The following PSPC1 variants were observed in gnomAD, a reference collection of about 807,000 sequenced individuals.
PSPC1 encodes the protein paraspeckle protein 1.
A neutral mutation model predicts 51.6 loss-of-function variants in PSPC1; 14 were observed. The ratio of observed to expected loss-of-function variants is 0.27; its 90% CI spans 0.18 to 0.42. PSPC1 has a LOEUF of 0.42. Among genes scored for constraint, PSPC1 ranks in the 10% least tolerant of loss-of-function variants. The probability of loss-of-function intolerance (pLI) is 1.00; values close to 1 mark genes in which losing one functional copy is unlikely to be tolerated. For synonymous variants in PSPC1, 193 were observed against 231.9 expected (o/e 0.83, Z 1.53); for missense variants, 406 against 701.1 (o/e 0.58, Z 4.75).
chr13:19,769,840 T>C (rs1481738813), intron 2 of PSPC1, among the ~76,000 whole-genome samples: 2 of 152,166 alleles, frequency 1.3e-5, no homozygotes, highest in African/African-American at 2.4e-5. Context: ...TCATTGCTGG[T>C]AGGAATGTAA....
chr13:19,734,952 T>C (rs1884590260), intron 5 of PSPC1, among the ~76,000 whole-genome samples: 1 of 150,318 alleles, frequency 6.7e-6, no homozygotes, highest in South Asian at 2.1e-4. Flanking sequence ...CATTACAGCC[T>C]GAGCGACAGA....
At chr13:19,776,992 G>C (rs1348735243) in intron 1 of PSPC1, among the ~76,000 whole-genome samples, 1 of 148,972 alleles carries the variant, frequency 6.7e-6, no homozygotes. Flanking sequence ...CTGGGCTGGT[G>C]TCATGCCTGT....
chr13:19,721,862 C>T (rs3847990), intron 6 of PSPC1, among the ~76,000 whole-genome samples: 17,276 of 152,206 alleles, frequency 0.11, 1,256 homozygotes, highest in African/African-American at 0.2. Flanking sequence ...CTCTTCATTA[C>T]TTAATCACGT....
At chr13:19,763,341 A>G (rs930561000) in intron 2 of PSPC1, among the ~76,000 whole-genome samples, 5 of 152,140 alleles carry the variant, frequency 3.3e-5, no homozygotes, top group African/African-American at 9.7e-5. Flanking sequence ...TTTTGCAAAT[A>G]TAAGTATATA....
At chr13:19,752,830 C>T (rs1289278295) in intron 3 of PSPC1, among the ~76,000 whole-genome samples, 2 of 151,782 alleles carry the variant, frequency 1.3e-5, no homozygotes, top group African/African-American at 4.8e-5. Flanking sequence ...CTGTGATCCA[C>T]CCATCTCGGT....
chr13:19,779,003 G>A (rs1396496131), intron 1 of PSPC1, among the ~76,000 whole-genome samples: 1 of 140,830 alleles, frequency 7.1e-6, no homozygotes, highest in Non-Finnish European at 1.6e-5. Flanking sequence ...CTGAGATGTG[G>A]GGAGCGCCTC....
At chr13:19,771,471 G>A (rs1356413735) in intron 2 of PSPC1, among the ~76,000 whole-genome samples, 8 of 151,804 alleles carry the variant, frequency 5.3e-5, no homozygotes, top group South Asian at 2.1e-4. Context: ...AAGGTCACTC[G>A]GTCACCTAGG....
intron 1 of PSPC1, among the ~76,000 whole-genome samples, chr13:19,779,385 G>C (rs1486222514): frequency 9.5e-6 from 1 of 105,164 alleles, no homozygotes; most frequent in Non-Finnish European, 2.0e-5. Flanking sequence ...AGGTGGGGGG[G>C]TCAGCCCCCC....
At chr13:19,714,076 G>A (rs1462787251) in intron 6 of PSPC1, among the ~76,000 whole-genome samples, 1 of 152,158 alleles carries the variant, frequency 6.6e-6, no homozygotes, top group Non-Finnish European at 1.5e-5. Context: ...ATACCTGGAG[G>A]AAGCAGTCAA....
intron 6 of PSPC1, among the ~76,000 whole-genome samples, chr13:19,726,452 T>C (rs1179910585): frequency 2.0e-5 from 3 of 152,180 alleles, no homozygotes; most frequent in Admixed American, 6.6e-5. Context: ...TCCACAAATA[T>C]ATTGCAAGGT....
At chr13:19,753,841 T>G (rs569006874) in intron 3 of PSPC1, among the ~76,000 whole-genome samples, 267 of 152,244 alleles carry the variant, frequency 1.8e-3, no homozygotes, top group African/African-American at 6.2e-3. Context: ...AAACCCTACT[T>G]GGATTTTTTT....
chr13:19,772,247 T>C lies in PSPC1; in HGVS notation c.669A>G (p.Leu223=). 6.2e-7 allele frequency: 1 copy of C among 1,611,990 alleles called. No individual in the cohort carries two copies. Among genetic ancestry groups the C allele is most frequent in the Non-Finnish European group, 8.5e-7 (1 of 1,178,798 alleles). ...ACAAGATATTTAAAACTTACGTTGT[T>C]AGCAAGAATGCCCCATCACCACATC... ...LERCGDGAFL[L]TTTPRPVIVE... The change falls in exon 2 of 9, where the codon CTA becomes CTG. Residue 223 remains leucine (L), a synonymous_variant. Transcript: ENST00000338910.
chr13:19,779,261 C>T (rs1378975065), intron 1 of PSPC1, among the ~76,000 whole-genome samples: 1 of 48,378 alleles, frequency 2.1e-5, no homozygotes, highest in Non-Finnish European at 6.0e-5. Flanking sequence ...CCGGCAGCCA[C>T]CCCGTCCGGG....
chr13:19,774,486 G>A (rs535565883), intron 1 of PSPC1, among the ~76,000 whole-genome samples: 162 of 152,182 alleles, frequency 1.1e-3, no homozygotes, highest in African/African-American at 3.8e-3. Context: ...TGTATCCATG[G>A]ATTCAACCAA....
chr13:19,736,479 C>A (rs553512956), intron 5 of PSPC1, among the ~76,000 whole-genome samples: 1 of 151,888 alleles, frequency 6.6e-6, no homozygotes, highest in Non-Finnish European at 1.5e-5. Context: ...GTCAGCAGAT[C>A]GAGACCATCC....
At chr13:19,684,554 C>T (rs536728830) in intron 6 of PSPC1, among the ~76,000 whole-genome samples, 1 of 152,164 alleles carries the variant, frequency 6.6e-6, no homozygotes, top group Non-Finnish European at 1.5e-5. Context: ...TAAAAAATAG[C>T]ACCTTACTGT....
At chr13:19,729,669 C>A (rs1462435076) in intron 6 of PSPC1, among the ~76,000 whole-genome samples, 1 of 150,908 alleles carries the variant, frequency 6.6e-6, no homozygotes, top group Admixed American at 6.6e-5. Context: ...CTGTGCAAAT[C>A]TGGGCTTTAA....
chr13:19,671,386 A>G (rs1233726152), downstream of PSPC1: 11 of 1,107,334 alleles, frequency 9.9e-6, no homozygotes, highest in Admixed American at 3.9e-5. Flanking sequence ...ATCCTGGTGT[A>G]CCTGTCCTAG....
chr13:19,772,107 T>C, intron 2 of PSPC1, 135 bp downstream of exon 2: 1 of 972,868 alleles, frequency 1.0e-6, no homozygotes, highest in Non-Finnish European at 1.5e-6. Context: ...AAATTTCTTA[T>C]TTATATTCAC....
Sources: gnomAD v4.1 joint callset for allele counts (sites outside exome capture counted in the v4.1 genomes callset) on GRCh38, gnomAD v4.1.1 for gene constraint, MANE v1.5 for transcripts, NCBI Gene and HGNC (gene_info 2026-07-23, HGNC 2026-07-21) for gene names.